Variants in GALNT16 observed in about 807,000 individuals in gnomAD.
GALNT16 encodes the protein UDP-GalNAc:polypeptide N-acetylgalactosaminyltransferase-like protein 1.
A neutral mutation model predicts 76.1 loss-of-function variants in GALNT16; 40 were observed. The ratio of observed to expected loss-of-function variants is 0.53; its 90% CI spans 0.41 to 0.68. GALNT16 has a LOEUF of 0.68. GALNT16 is among the 30% of genes least tolerant of loss of function. The pLI is 0.00. For synonymous variants in GALNT16, 276 were observed against 285.2 expected (o/e 0.97, Z 0.32); for missense variants, 621 against 731.9 (o/e 0.85, Z 1.75).
chr14:69,313,705 A>G (rs897916321), intron 1 of GALNT16, among the ~76,000 whole-genome samples: 1 of 152,228 alleles, frequency 6.6e-6, no homozygotes, highest in African/African-American at 2.4e-5. Flanking sequence ...GGCAGCTCCT[A>G]TCTCGTGTTC....
At chr14:69,277,260 A>G (rs2044483523) in intron 1 of GALNT16, among the ~76,000 whole-genome samples, 1 of 152,214 alleles carries the variant, frequency 6.6e-6, no homozygotes, top group South Asian at 2.1e-4. Flanking sequence ...TCTAGGGTAC[A>G]TGTGCACAAC....
chr14:69,331,764 A>G (rs964497432), intron 7 of GALNT16, among the ~76,000 whole-genome samples: 1 of 152,224 alleles, frequency 6.6e-6, no homozygotes, highest in Non-Finnish European at 1.5e-5. Flanking sequence ...GGCTTCTGAT[A>G]CAATCAGTAG....
chr14:69,336,724 TTTA>T (rs1370903608), intron 9 of GALNT16, among the ~76,000 whole-genome samples: 1 of 151,990 alleles, frequency 6.6e-6, no homozygotes, highest in African/African-American at 2.4e-5. Flanking sequence ...TTTTTTTCAT[TTTA>T]TTTATTTATT....
chr14:69,318,924 G>A (rs952078020), intron 1 of GALNT16, among the ~76,000 whole-genome samples: 4 of 152,210 alleles, frequency 2.6e-5, no homozygotes, highest in African/African-American at 9.7e-5. Flanking sequence ...GGCGATCCAG[G>A]GCCCAAGCCA....
chr14:69,306,841 G>A (rs189950674), intron 1 of GALNT16, among the ~76,000 whole-genome samples: 7 of 152,342 alleles, frequency 4.6e-5, no homozygotes, highest in Admixed American at 1.3e-4. Flanking sequence ...CGTACTGCCA[G>A]ACTGTTTTCC....
chr14:69,383,506 G>C, the GALNT16 span, among the ~76,000 whole-genome samples: 1 of 152,184 alleles, frequency 6.6e-6, no homozygotes, highest in South Asian at 2.1e-4. Context: ...TATTTCTCCT[G>C]AATATTCAAA....
At chr14:69,336,377 G>T (rs535677704) in intron 9 of GALNT16, among the ~76,000 whole-genome samples, 6 of 152,276 alleles carry the variant, frequency 3.9e-5, no homozygotes, top group African/African-American at 1.4e-4. Flanking sequence ...CTCCCAAAGG[G>T]CTGGGGTTGT....
At chr14:69,380,483 C>T in the GALNT16 span, 2 of 982,488 alleles carry the variant, frequency 2.0e-6, no homozygotes, top group South Asian at 1.3e-5. Context: ...CTACAGCACG[C>T]TGTACACACC....
At chr14:69,290,030 C>A (rs369335431) in intron 1 of GALNT16, among the ~76,000 whole-genome samples, 1 of 152,170 alleles carries the variant, frequency 6.6e-6, no homozygotes, top group Non-Finnish European at 1.5e-5. Flanking sequence ...TAAGCCACCA[C>A]GCCTGGCCTG....
intron 1 of GALNT16, among the ~76,000 whole-genome samples, chr14:69,289,846 G>A (rs2044666583): frequency 6.6e-6 from 1 of 152,100 alleles, no homozygotes; most frequent in South Asian, 2.1e-4. Flanking sequence ...CAATTCTCAT[G>A]CCTCAACTTC....
intron 13 of GALNT16, 100 bp downstream of exon 13, chr14:69,347,281 C>A: frequency 8.0e-7 from 1 of 1,250,630 alleles, no homozygotes; most frequent in Non-Finnish European, 1.1e-6. Flanking sequence ...CCTCTGTCTA[C>A]ATCTTACACA....
intron 1 of GALNT16, among the ~76,000 whole-genome samples, chr14:69,317,733 G>A (rs2045122227): frequency 6.6e-6 from 1 of 152,226 alleles, no homozygotes; most frequent in Non-Finnish European, 1.5e-5. Context: ...TGCAGGAGAA[G>A]CAGCAGCTTT....
chr14:69,346,212 C>CT (rs1391524247), intron 12 of GALNT16, among the ~76,000 whole-genome samples: 1 of 152,126 alleles, frequency 6.6e-6, no homozygotes, highest in Non-Finnish European at 1.5e-5. Flanking sequence ...TTTTTAATGG[C>CT]TACAGGGTTT....
At chr14:69,271,428 G>A (rs2044406376) in intron 1 of GALNT16, among the ~76,000 whole-genome samples, 1 of 152,232 alleles carries the variant, frequency 6.6e-6, no homozygotes, top group South Asian at 2.1e-4. Context: ...TAAGGTGACA[G>A]GTCTGAGCGA....
chr14:69,341,532 A>G (rs1488892484), intron 11 of GALNT16, 149 bp from the exon 12 acceptor site: 1 of 619,296 alleles, frequency 1.6e-6, no homozygotes, highest in Non-Finnish European at 2.9e-6. Context: ...ACATCAGATA[A>G]GTGGCCAGGG....
At chr14:69,359,391 GCACGCAATATA>G (rs1258151896), downstream of GALNT16, 1 of 152,184 alleles carries the variant, frequency 6.6e-6, no homozygotes, top group African/African-American at 2.4e-5. Flanking sequence ...CACATAGAAA[GCACGCAATATA>G]CACTTGTCCA....
chr14:69,282,983 G>A (rs953321171), intron 1 of GALNT16, among the ~76,000 whole-genome samples: 1 of 152,018 alleles, frequency 6.6e-6, no homozygotes, highest in African/African-American at 2.4e-5. Flanking sequence ...TTTTTTATAT[G>A]TTCTCTACTG....
At chr14:69,270,187 A>G (rs767052282) in intron 1 of GALNT16, among the ~76,000 whole-genome samples, 2 of 152,084 alleles carry the variant, frequency 1.3e-5, no homozygotes, top group Non-Finnish European at 2.9e-5. Context: ...GGCCTTCCCT[A>G]AGACACAGAG....
At chr14:69,385,036 T>C in the GALNT16 span, among the ~76,000 whole-genome samples, 1 of 152,196 alleles carries the variant, frequency 6.6e-6, no homozygotes, top group Non-Finnish European at 1.5e-5. Context: ...GAGCAATCCT[T>C]GATCCAGTGG....
Sources: allele counts gnomAD v4.1 joint callset (sites outside exome capture counted in the v4.1 genomes callset), GRCh38; gene constraint gnomAD v4.1.1; transcripts MANE v1.5; gene names NCBI Gene and HGNC (gene_info 2026-07-23, HGNC 2026-07-21).